MAL: variants seen among roughly 807,000 people sequenced by gnomAD.
MAL encodes mal, T cell differentiation protein (MAL blood group).
MAL carries 5 observed loss-of-function variants against 16.7 expected under a neutral mutation model. That is an observed-to-expected ratio of 0.30 (90% CI 0.16 to 0.63). MAL has a LOEUF of 0.63. Among genes scored for constraint, MAL ranks in the 30% least tolerant of loss-of-function variants. The pLI is 0.82. For missense variants in MAL, 202 were observed against 195.8 expected, an observed-to-expected ratio of 1.03 and a Z score of -0.19; for synonymous variants, 96 against 85.5, an observed-to-expected ratio of 1.12 and a Z score of -0.67.
chr2:95,040,270 T>C (rs1226124179), intron 1 of MAL, among the ~76,000 whole-genome samples: 1 of 151,806 alleles, frequency 6.6e-6, no homozygotes, highest in Non-Finnish European at 1.5e-5. Flanking sequence ...TGCACAGACA[T>C]ACACACATAC....
At chr2:95,044,600 T>G (rs1156473979) in intron 1 of MAL, 2 of 152,242 alleles carry the variant, frequency 1.3e-5, no homozygotes, top group Admixed American at 6.5e-5. Flanking sequence ...GTTAAACCCA[T>G]AGTGGGCTTT....
In MAL at chr2:95,050,385, T is replaced by C. The variant is rs185834883; in HGVS notation, c.387+679T>C. Among the ~76,000 whole-genome samples, 384 of 152,360 alleles carry C rather than the reference T, an allele frequency of 2.5e-3. 1 individual carries two copies. The highest frequency in any genetic ancestry group is 9.0e-3 in the African/African-American group (373 of 41,582). ...CAGTCTACGATATAAAACATGCTTC[T>C]GACCATGGGTATTGTTAAAAAGTAA... On this transcript the variant is annotated intron_variant, in intron 3 of 3. Transcript: ENST00000309988.
At chr2:95,047,831 G>A in intron 1 of MAL, 128 bp from the exon 2 acceptor site, 1 of 864,952 alleles carries the variant, frequency 1.2e-6, no homozygotes. Flanking sequence ...GAAAATGCCT[G>A]CCCTGTTCTC....
intron 1 of MAL, among the ~76,000 whole-genome samples, chr2:95,034,204 C>T (rs546621260): frequency 1.3e-5 from 2 of 152,176 alleles, no homozygotes; most frequent in Non-Finnish European, 2.9e-5. Context: ...GTCACCGAGT[C>T]CTGCACAGAC....
intron 1 of MAL, among the ~76,000 whole-genome samples, chr2:95,032,124 A>G (rs1674098788): frequency 6.6e-6 from 1 of 152,250 alleles, no homozygotes; most frequent in African/African-American, 2.4e-5. Flanking sequence ...TTTCTGTCCC[A>G]GTGCTTTCAG....
At chr2:95,046,966 AAAG>A (rs1558661651) in intron 1 of MAL, among the ~76,000 whole-genome samples, 1 of 151,350 alleles carries the variant, frequency 6.6e-6, no homozygotes, top group African/African-American at 2.4e-5. Context: ...AGAAAGAAAG[AAAG>A]AAGAAAGAAA....
Position 95,025,974 on chromosome 2 carries a change from T to A in MAL, c.93+89T>A. On this transcript the variant is annotated intron_variant, in intron 1 of 3. Coordinates refer to ENST00000309988, the MANE Select transcript of MAL (RefSeq NM_002371.4). The surrounding 1 kb of genome is among the most constrained non-coding windows in gnomAD (Gnocchi z 5.6). ...AGCACAGCTGTCGGACGGGATCCGC[T>A]AGCTGCGCAGGTTCTGGGAGCATCG... 8.5e-7 allele frequency: 1 copy of A among 1,171,402 alleles called. No homozygotes were observed. Among genetic ancestry groups the A allele is most frequent in the Non-Finnish European group, 1.2e-6 (1 of 831,780 alleles). The allele number at this position is 1,171,402 out of a possible 1,614,324, so 72.6% of individuals were successfully genotyped here. A position where few individuals can be genotyped will look rare whatever the true frequency, so the allele number is the denominator to read the frequency against.
At chr2:95,039,408 A>G (rs879404684) in intron 1 of MAL, among the ~76,000 whole-genome samples, 691 of 23,112 alleles carry the variant, frequency 0.03, no homozygotes, top group Middle Eastern at 0.11. Flanking sequence ...GACTGAGTGA[A>G]TGGGTGAGTG....
chr2:95,049,260 A>G (rs1252844618), intron 2 of MAL, among the ~76,000 whole-genome samples: 1 of 152,222 alleles, frequency 6.6e-6, no homozygotes, highest in African/African-American at 2.4e-5. Flanking sequence ...GACTGTGGCC[A>G]TGCACGACAC....
intron 1 of MAL, among the ~76,000 whole-genome samples, chr2:95,043,497 A>G (rs1674517634): frequency 6.6e-6 from 1 of 152,238 alleles, no homozygotes; most frequent in South Asian, 2.1e-4. Context: ...AGCGTCCCAC[A>G]GTGACTTCGG....
intron 1 of MAL, among the ~76,000 whole-genome samples, chr2:95,032,239 G>A (rs1262290688): frequency 2.0e-5 from 3 of 152,238 alleles, no homozygotes; most frequent in Non-Finnish European, 2.9e-5. Context: ...ACCAGCAGGC[G>A]AGGGGCAGAG....
chr2:95,038,545 T>C (rs1470081791), intron 1 of MAL, among the ~76,000 whole-genome samples: 8 of 149,780 alleles, frequency 5.3e-5, no homozygotes, highest in Admixed American at 3.3e-4. Context: ...AGTGACTGAG[T>C]GACTGAGTGA....
intron 2 of MAL, among the ~76,000 whole-genome samples, chr2:95,048,682 G>T (rs1368927162): frequency 6.6e-6 from 1 of 152,238 alleles, no homozygotes; most frequent in African/African-American, 2.4e-5. Flanking sequence ...TAGGACACTT[G>T]CCTGTTACCT....
intron 1 of MAL, among the ~76,000 whole-genome samples, chr2:95,037,780 C>CT (rs930161006): frequency 2.8e-5 from 3 of 105,300 alleles, no homozygotes; most frequent in African/African-American, 1.1e-4. Flanking sequence ...GAGTGAGTGA[C>CT]TGAGTGACTG....
chr2:95,053,116 G>A (rs964491572), intron 3 of MAL: 19 of 397,794 alleles, frequency 4.8e-5, no homozygotes, highest in South Asian at 3.4e-4. Flanking sequence ...AAGCTGAGAC[G>A]AATGTGATGC....
intron 1 of MAL, among the ~76,000 whole-genome samples, chr2:95,026,169 C>T (rs1318203334): frequency 3.9e-5 from 6 of 152,056 alleles, no homozygotes; most frequent in East Asian, 1.9e-4. Context: ...GGGGACGGCT[C>T]TTGGTTCGCT....
chr2:95,041,752 A>G (rs1674471846), intron 1 of MAL, among the ~76,000 whole-genome samples: 1 of 152,198 alleles, frequency 6.6e-6, no homozygotes, highest in South Asian at 2.1e-4. Flanking sequence ...TAATTTGGAA[A>G]GAAAACATGA....
At chr2:95,033,598 C>A (rs1358920607) in intron 1 of MAL, among the ~76,000 whole-genome samples, 2 of 152,088 alleles carry the variant, frequency 1.3e-5, no homozygotes, top group Non-Finnish European at 2.9e-5. Flanking sequence ...GGCAACATAG[C>A]AAGACCCCAT....
At chr2:95,038,584 GTGAC>G (rs2104344504) in intron 1 of MAL, among the ~76,000 whole-genome samples, 1 of 151,280 alleles carries the variant, frequency 6.6e-6, no homozygotes, top group South Asian at 2.1e-4. Context: ...GACTGAGTGA[GTGAC>G]TGAGTGACTG....
Sources: allele counts gnomAD v4.1 joint callset (sites outside exome capture counted in the v4.1 genomes callset), GRCh38; gene constraint gnomAD v4.1.1; non-coding constraint Gnocchi (gnomAD v3.1); transcripts MANE v1.5; gene names NCBI Gene and HGNC (gene_info 2026-07-23, HGNC 2026-07-21).